The following KCNIP4 variants were observed in gnomAD, a reference collection of about 807,000 sequenced individuals.
KCNIP4 encodes the protein potassium voltage-gated channel interacting protein 4.
KCNIP4 carries 12 observed loss-of-function variants against 34.0 expected under a neutral mutation model. That is an observed-to-expected ratio of 0.35 (90% CI 0.23 to 0.57). The LOEUF is 0.57. KCNIP4 is among the 20% of genes least tolerant of loss of function. The pLI is 0.83. For synonymous variants in KCNIP4, 124 were observed against 102.2 expected (o/e 1.21, Z -1.29); for missense variants, 238 against 311.7 (o/e 0.76, Z 1.78).
intron 1 of KCNIP4, among the ~76,000 whole-genome samples, chr4:21,576,458 A>C (rs1362528088): frequency 1.1e-4 from 16 of 152,128 alleles, no homozygotes; most frequent in Admixed American, 9.8e-4. Context: ...AAAAAATCTA[A>C]ATTTTCTTTG....
chr4:21,550,480 T>C (rs1738490311), intron 1 of KCNIP4, among the ~76,000 whole-genome samples: 1 of 152,124 alleles, frequency 6.6e-6, no homozygotes, highest in African/African-American at 2.4e-5. Context: ...TCTTTAGTAC[T>C]TTATCTGTCG....
Position 21,276,235 on chromosome 4 carries a change from C to T in KCNIP4, c.62-393526G>A, listed in dbSNP as rs191554030. On this transcript the variant is annotated intron_variant, in intron 1 of 8. Transcript: ENST00000382152. ...GACCGTTTAAATTAAAATGCAGTCACAACCCTGCTGACACCTTGGTTCCAG... is the reference window on the plus strand; with the variant it reads ...GACCGTTTAAATTAAAATGCAGTCATAACCCTGCTGACACCTTGGTTCCAG... Among the ~76,000 whole-genome samples, 542 of 152,342 alleles carry T rather than the reference C, an allele frequency of 3.6e-3. 6 individuals are homozygous for T. Among genetic ancestry groups the T allele is most frequent in the African/African-American group, 0.012 (518 of 41,582 alleles).
At chr4:21,230,838 C>G (rs1341318708) in intron 1 of KCNIP4, among the ~76,000 whole-genome samples, 1 of 152,106 alleles carries the variant, frequency 6.6e-6, no homozygotes, top group Non-Finnish European at 1.5e-5. Context: ...GTGAATGTAT[C>G]TTTATAATAG....
chr4:21,070,911 G>A (rs1401257944), intron 1 of KCNIP4, among the ~76,000 whole-genome samples: 3 of 151,710 alleles, frequency 2.0e-5, no homozygotes, highest in African/African-American at 4.8e-5. Flanking sequence ...TCCTGACCTC[G>A]TGATCTGCCC....
chr4:21,726,220 A>G (rs1376143465), intron 1 of KCNIP4, among the ~76,000 whole-genome samples: 1 of 139,178 alleles, frequency 7.2e-6, no homozygotes, highest in Non-Finnish European at 1.6e-5. Context: ...CTCCTCATGG[A>G]TAAATAACAA....
chr4:21,719,570 A>G (rs1714635118), intron 1 of KCNIP4, among the ~76,000 whole-genome samples: 1 of 152,056 alleles, frequency 6.6e-6, no homozygotes. Flanking sequence ...TGATTCCAAG[A>G]CTCCCTAGAA....
intron 3 of KCNIP4, among the ~76,000 whole-genome samples, chr4:20,787,925 C>A (rs1712225274): frequency 6.6e-6 from 1 of 152,064 alleles, no homozygotes; most frequent in African/African-American, 2.4e-5. Flanking sequence ...AATATCTAAT[C>A]ATATCTTATG....
chr4:20,823,632 G>A (rs1260327929), intron 3 of KCNIP4, among the ~76,000 whole-genome samples: 1 of 152,122 alleles, frequency 6.6e-6, no homozygotes, highest in Non-Finnish European at 1.5e-5. Context: ...TCTGAACCAG[G>A]AAGCAGGTTC....
intron 1 of KCNIP4, among the ~76,000 whole-genome samples, chr4:21,335,959 T>A (rs1026692768): frequency 2.0e-5 from 3 of 152,204 alleles, no homozygotes; most frequent in African/African-American, 7.2e-5. Context: ...TTATCTCCAA[T>A]AATTTCTGCA....
chr4:21,777,996 T>C (rs1719293522), intron 1 of KCNIP4, among the ~76,000 whole-genome samples: 1 of 152,028 alleles, frequency 6.6e-6, no homozygotes, highest in Non-Finnish European at 1.5e-5. Flanking sequence ...AAATAATAAT[T>C]TGATCATTAT....
chr4:21,807,811 G>C (rs999642983), intron 1 of KCNIP4, among the ~76,000 whole-genome samples: 1 of 152,118 alleles, frequency 6.6e-6, no homozygotes, highest in Admixed American at 6.6e-5. Flanking sequence ...ATAAAATTTA[G>C]ATCCTCATGC....
Position 21,900,564 on chromosome 4 carries a change from G to A in KCNIP4, c.61+48007C>T, listed in dbSNP as rs530543004. ...TAGGCCATCAAAAGACTGGGAACCA[G>A]GGACTTTCCATATTTAGTGGATTAA... On this transcript the variant is annotated intron_variant, in intron 1 of 8. Coordinates refer to ENST00000382152, the MANE Select transcript of KCNIP4 (RefSeq NM_025221.6). Among the ~76,000 whole-genome samples, 6 of 152,294 alleles carry A rather than the reference G, an allele frequency of 3.9e-5. No homozygotes were observed. In the South Asian group the frequency reaches 1.2e-3, roughly 32 times the overall value.
intron 1 of KCNIP4, among the ~76,000 whole-genome samples, chr4:21,838,748 T>TCC (rs1024301894): frequency 4.6e-5 from 7 of 152,180 alleles, no homozygotes; most frequent in African/African-American, 1.7e-4. Flanking sequence ...TACAAACAGT[T>TCC]TGGGGCTCTG....
chr4:21,149,637 A>T (rs1294233362), intron 1 of KCNIP4, among the ~76,000 whole-genome samples: 1 of 152,212 alleles, frequency 6.6e-6, no homozygotes, highest in Non-Finnish European at 1.5e-5. Flanking sequence ...TGAAAAAATT[A>T]TACTGTATTA....
intron 1 of KCNIP4, among the ~76,000 whole-genome samples, chr4:21,033,665 G>C (rs1293109856): frequency 1.3e-5 from 2 of 152,100 alleles, no homozygotes; most frequent in African/African-American, 4.8e-5. Flanking sequence ...GTAGGTACCT[G>C]ATAAAAATTT....
intron 1 of KCNIP4, among the ~76,000 whole-genome samples, chr4:21,229,355 T>C (rs1005423630): frequency 6.6e-5 from 10 of 152,212 alleles, no homozygotes; most frequent in Admixed American, 1.3e-4. Context: ...AGGTAGGGAT[T>C]GTCTGTCTTC....
chr4:21,494,445 T>C (rs1012036758), intron 1 of KCNIP4, among the ~76,000 whole-genome samples: 3 of 152,044 alleles, frequency 2.0e-5, no homozygotes, highest in African/African-American at 7.2e-5. Flanking sequence ...TATTTAGAAA[T>C]AGCCTTAACT....
chr4:21,846,106 C>T (rs1335991151), intron 1 of KCNIP4: 1 of 152,030 alleles, frequency 6.6e-6, no homozygotes, highest in Non-Finnish European at 1.5e-5. Flanking sequence ...CTATTGTGCT[C>T]TTTTCAAAAC....
chr4:21,309,590 G>A (rs1027755062), intron 1 of KCNIP4, among the ~76,000 whole-genome samples: 2 of 152,144 alleles, frequency 1.3e-5, no homozygotes, highest in African/African-American at 4.8e-5. Context: ...TGAGAGACTA[G>A]CACACGGAGC....
Sources: allele counts gnomAD v4.1 joint callset (sites outside exome capture counted in the v4.1 genomes callset), GRCh38; gene constraint gnomAD v4.1.1; transcripts MANE v1.5; gene names NCBI Gene and HGNC (gene_info 2026-07-23, HGNC 2026-07-21).